The following ABHD17B variants were observed in gnomAD, a reference collection of about 807,000 sequenced individuals.
The protein encoded by ABHD17B is abhydrolase domain containing 17B, depalmitoylase.
Under a neutral mutation model 26.2 loss-of-function variants are expected in ABHD17B, and 9 were observed. The observed-to-expected ratio is 0.34, with a 90% CI of 0.21 to 0.60. The LOEUF (loss-of-function observed/expected upper bound fraction) is 0.60. Among genes scored for constraint, ABHD17B ranks in the 20% least tolerant of loss-of-function variants. ABHD17B has a pLI of 0.80. For synonymous variants in ABHD17B, 127 were observed against 122.3 expected, an observed-to-expected ratio of 1.04 and a Z score of -0.25; for missense variants, 224 against 352.1, an observed-to-expected ratio of 0.64 and a Z score of 2.91.
intron 1 of ABHD17B, among the ~76,000 whole-genome samples, chr9:71,907,654 G>A (rs546617568): frequency 6.6e-6 from 1 of 152,212 alleles, no homozygotes; most frequent in South Asian, 2.1e-4. Context: ...TGGGATTACA[G>A]GCAAGCACCA....
chr9:71,882,299 A>T (rs1289204930), intron 1 of ABHD17B, among the ~76,000 whole-genome samples: 1 of 152,276 alleles, frequency 6.6e-6, no homozygotes, highest in Non-Finnish European at 1.5e-5. Flanking sequence ...ATGCATGTGC[A>T]GCATTATTTA....
At chr9:71,897,991 C>G (rs1335798174) in intron 1 of ABHD17B, among the ~76,000 whole-genome samples, 2 of 152,068 alleles carry the variant, frequency 1.3e-5, no homozygotes, top group Non-Finnish European at 2.9e-5. Context: ...TCTTTTCATA[C>G]ATTTTTTTTC....
At chr9:71,892,870 G>A (rs985253695) in intron 1 of ABHD17B, among the ~76,000 whole-genome samples, 1 of 151,958 alleles carries the variant, frequency 6.6e-6, no homozygotes, top group Non-Finnish European at 1.5e-5. Context: ...ACATTATTGT[G>A]CAATTATCAC....
At chr9:71,900,387 G>A (rs1038742734) in intron 1 of ABHD17B, among the ~76,000 whole-genome samples, 9 of 152,088 alleles carry the variant, frequency 5.9e-5, no homozygotes, top group African/African-American at 7.2e-5. Flanking sequence ...ATCAAGGTTC[G>A]GGGACGGTGG....
At chr9:71,900,759 CT>C (rs1827113349) in intron 1 of ABHD17B, among the ~76,000 whole-genome samples, 3 of 152,094 alleles carry the variant, frequency 2.0e-5, no homozygotes, top group South Asian at 2.1e-4. Flanking sequence ...CTATCCCCCC[CT>C]CATCACTATA....
intron 1 of ABHD17B, among the ~76,000 whole-genome samples, chr9:71,908,848 A>T (rs962739412): frequency 6.6e-6 from 1 of 152,188 alleles, no homozygotes; most frequent in Non-Finnish European, 1.5e-5. Context: ...TCCCCTTTTT[A>T]TAAAGTGAGC....
Position 71,874,886 on chromosome 9 carries a change from A to G in ABHD17B, c.195T>C (p.Ala65=). 1.2e-6 allele frequency: 2 copies of G among 1,614,190 alleles called. No individual in the cohort carries two copies. Among genetic ancestry groups the G allele is most frequent in the Non-Finnish European group, 1.7e-6 (2 of 1,180,026 alleles). Residue 65 remains alanine, a synonymous_variant, in exon 2 of 4, where the codon GCT becomes GCC. Transcript: ENST00000333421. ...DWQYSSREKD[A]IECFMTRTSK... ...TGGTTCTAGTCATGAAACACTCAAT[A>G]GCATCTTTTTCTCTAGAAGAATACT...
intron 1 of ABHD17B, among the ~76,000 whole-genome samples, chr9:71,899,268 T>C (rs1482562836): frequency 1.3e-5 from 2 of 152,226 alleles, no homozygotes; most frequent in Non-Finnish European, 2.9e-5. Context: ...GTATGCCAAG[T>C]AATGCAACTG....
chr9:71,903,550 C>T (rs1263855317), intron 1 of ABHD17B, among the ~76,000 whole-genome samples: 3 of 152,158 alleles, frequency 2.0e-5, no homozygotes, highest in Non-Finnish European at 4.4e-5. Flanking sequence ...ACAAAGATGA[C>T]ATATGGTAAT....
intron 1 of ABHD17B, among the ~76,000 whole-genome samples, chr9:71,875,790 A>G (rs1424439615): frequency 1.3e-5 from 2 of 152,238 alleles, no homozygotes; most frequent in Non-Finnish European, 2.9e-5. Flanking sequence ...AATTTAGCAT[A>G]AAGTGAATAC....
At chr9:71,893,085 C>T (rs761868776) in intron 1 of ABHD17B, among the ~76,000 whole-genome samples, 4 of 152,214 alleles carry the variant, frequency 2.6e-5, no homozygotes, top group Admixed American at 2.0e-4. Flanking sequence ...AATTTCCCTT[C>T]CTTTTCAAGG....
chr9:71,872,400 G>A (rs1524379), intron 2 of ABHD17B, among the ~76,000 whole-genome samples: 152,289 of 152,292 alleles, frequency 1, 76,143 homozygotes, highest in Non-Finnish European at 1. Context: ...CTTCAAATTG[G>A]TAAATGCCAA....
intron 1 of ABHD17B, among the ~76,000 whole-genome samples, chr9:71,894,043 G>A (rs905309368): frequency 3.1e-5 from 4 of 127,092 alleles, no homozygotes; most frequent in Non-Finnish European, 4.6e-5. Context: ...AGCTGAGATC[G>A]CACCACTGCA....
intron 1 of ABHD17B, among the ~76,000 whole-genome samples, chr9:71,910,424 GA>G (rs1208057465): frequency 6.6e-6 from 1 of 152,028 alleles, no homozygotes; most frequent in Non-Finnish European, 1.5e-5. Flanking sequence ...AACCATCAGA[GA>G]ATCCTCTCAA....
At chr9:71,867,396 C>A (rs1355617244) in intron 3 of ABHD17B, among the ~76,000 whole-genome samples, 1 of 152,126 alleles carries the variant, frequency 6.6e-6, no homozygotes, top group Non-Finnish European at 1.5e-5. Context: ...CTCCTAGTCT[C>A]CTACTAAAAT....
intron 1 of ABHD17B, among the ~76,000 whole-genome samples, chr9:71,888,730 A>T (rs1218845621): frequency 2.6e-5 from 4 of 152,196 alleles, no homozygotes; most frequent in Non-Finnish European, 5.9e-5. Flanking sequence ...TTTACAGGTC[A>T]ATACAGCATA....
Position 71,866,081 on chromosome 9 carries a change from G to A in ABHD17B, c.*706C>T. On this transcript the variant is annotated 3_prime_UTR_variant, in exon 4 of 4. Transcript: ENST00000333421. ...ACCAGCATGAAAATTTTAAGTACTT[G>A]CCTCACAGTACCAAACTTAGAAGTC... The A allele has an allele frequency of 1.0e-6, 1 of 985,436 alleles. No individual in the cohort carries two copies. Among genetic ancestry groups the A allele is most frequent in the Non-Finnish European group, 1.2e-6 (1 of 829,838 alleles). The allele number at this position is 985,436 out of a possible 1,614,324, so 61.0% of individuals were successfully genotyped here.
At chr9:71,883,146 A>T (rs1340107535) in intron 1 of ABHD17B, among the ~76,000 whole-genome samples, 1 of 152,212 alleles carries the variant, frequency 6.6e-6, no homozygotes, top group East Asian at 1.9e-4. Flanking sequence ...CCATCTCAAA[A>T]CAAACAAACA....
chr9:71,879,354 G>A (rs1185146878), intron 1 of ABHD17B, among the ~76,000 whole-genome samples: 1 of 152,172 alleles, frequency 6.6e-6, no homozygotes, highest in African/African-American at 2.4e-5. Flanking sequence ...AATACGAAGA[G>A]GATTGACAAA....
Sources: allele counts gnomAD v4.1 joint callset (sites outside exome capture counted in the v4.1 genomes callset), GRCh38; gene constraint gnomAD v4.1.1; transcripts MANE v1.5; gene names NCBI Gene and HGNC (gene_info 2026-07-23, HGNC 2026-07-21).